The following FRMD5 variants were observed in gnomAD, a reference collection of about 807,000 sequenced individuals.
The protein encoded by FRMD5 is FERM domain containing 5, also known as FERM domain-containing protein 5.
A neutral mutation model predicts 69.0 loss-of-function variants in FRMD5; 20 were observed. That is an observed-to-expected ratio of 0.29 (90% CI 0.20 to 0.42). FRMD5 has a LOEUF of 0.42. Among genes scored for constraint, FRMD5 ranks in the 10% least tolerant of loss-of-function variants. The pLI, the probability that FRMD5 is intolerant of heterozygous loss-of-function variation, is 1.00. For missense variants in FRMD5, 595 were observed against 708.6 expected, an observed-to-expected ratio of 0.84 and a Z score of 1.82; for synonymous variants, 271 against 260.1, an observed-to-expected ratio of 1.04 and a Z score of -0.40.
chr15:44,086,085 T>C (rs1894186509), intron 1 of FRMD5, among the ~76,000 whole-genome samples: 1 of 152,172 alleles, frequency 6.6e-6, no homozygotes, highest in African/African-American at 2.4e-5. Context: ...CAGAGGTGTT[T>C]AATAATGATA....
chr15:44,177,986 A>C (rs539158081), intron 1 of FRMD5, among the ~76,000 whole-genome samples: 1 of 152,350 alleles, frequency 6.6e-6, no homozygotes, highest in South Asian at 2.1e-4. Flanking sequence ...CAGCTAAAAA[A>C]GTTAATTTTA....
intron 1 of FRMD5, among the ~76,000 whole-genome samples, chr15:44,042,001 T>C (rs892516440): frequency 2.0e-5 from 3 of 152,146 alleles, no homozygotes; most frequent in African/African-American, 7.2e-5. Flanking sequence ...GAGCTGGTTT[T>C]CTGAAAAGAT....
At chr15:44,026,709 A>G (rs1156262805) in intron 1 of FRMD5, among the ~76,000 whole-genome samples, 1 of 152,240 alleles carries the variant, frequency 6.6e-6, no homozygotes, top group East Asian at 1.9e-4. Context: ...AGTTCTATAT[A>G]CAAACCAGAA....
chr15:44,037,819 C>T (rs1891989939), intron 1 of FRMD5, among the ~76,000 whole-genome samples: 1 of 152,032 alleles, frequency 6.6e-6, no homozygotes, highest in Admixed American at 6.5e-5. Context: ...GGTTATATAC[C>T]TATTAATGGG....
At chr15:44,053,256 A>G (rs1175343711) in intron 1 of FRMD5, among the ~76,000 whole-genome samples, 1 of 152,196 alleles carries the variant, frequency 6.6e-6, no homozygotes, top group African/African-American at 2.4e-5. Flanking sequence ...CATGGAAGGA[A>G]AGCAACCACA....
At chr15:43,958,875 G>A (rs768392528) in intron 1 of FRMD5, among the ~76,000 whole-genome samples, 1 of 152,178 alleles carries the variant, frequency 6.6e-6, no homozygotes, top group Non-Finnish European at 1.5e-5. Context: ...CACAAAGGTG[G>A]TGACAGACTC....
intron 1 of FRMD5, among the ~76,000 whole-genome samples, chr15:44,047,400 C>T (rs12900880): frequency 0.86 from 130,241 of 152,166 alleles, 57,421 homozygotes; most frequent in Non-Finnish European, 0.95. Context: ...AGGCCAGACA[C>T]GGGTGCCCTC....
intron 1 of FRMD5, among the ~76,000 whole-genome samples, chr15:43,928,150 G>A (rs901977609): frequency 5.9e-5 from 9 of 152,258 alleles, no homozygotes; most frequent in African/African-American, 2.2e-4. Context: ...AGCACCTGGT[G>A]AATCCCCCTG....
chr15:43,919,789 CTT>C lies in FRMD5; in HGVS notation c.226_227del (p.Lys76ValfsTer53). The C allele has an allele frequency of 6.2e-7, 1 of 1,614,072 alleles. No homozygotes were observed. The highest frequency in any genetic ancestry group is 8.5e-7 in the Non-Finnish European group (1 of 1,179,914). ...DKQRHWLEFT[K>X]SVVKQLRSQP... ...TACATCTCAATTGTTTCACCACAGA[CTT>C]TGTAAATTCCAGCCAATGCTGAAAC... On this transcript the variant is annotated frameshift_variant, in exon 3 of 14. Coordinates refer to ENST00000417257, the MANE Select transcript of FRMD5 (RefSeq NM_032892.5). LOFTEE classifies it high-confidence loss of function.
At position 43,892,015 on chromosome 15, in the gene FRMD5, G is replaced by C; in HGVS notation, c.694C>G (p.Leu232Val). The C allele has an allele frequency of 6.2e-7, 1 of 1,614,128 alleles. No individual in the cohort carries two copies. Among genetic ancestry groups the C allele is most frequent in the Non-Finnish European group, 8.5e-7 (1 of 1,179,986 alleles). ...AAGTGGACCCTCTTGTTTCCTTGAA[G>C]AACAACAAACCCAAAAGGAGTGAAG... The part of the protein sequence containing the change: ...LAFTPFGFVV[L>V]QGNKRVHFIK... Residue 232 changes from leucine (L) to valine (V), a missense_variant, in exon 8 of 14, where the codon CTT (leucine) becomes GTT (valine). Leu to Val is a conservative substitution (Grantham distance 32). Around this residue, in one of 5 missense-constraint regions of FRMD5, gnomAD observed 176 missense variants for 266.3 expected, o/e 0.66. Coordinates refer to ENST00000417257, the MANE Select transcript of FRMD5 (RefSeq NM_032892.5).
In FRMD5 at chr15:44,102,427, C is replaced by G. The variant is rs530454020; in HGVS notation, c.102+92526G>C. ...TTTTGGCATGAAGGAGGTCCTCAAT[C>G]TAAGAATGTACTTCTGGTAAACGGA... On this transcript the variant is annotated intron_variant, in intron 1 of 13. Transcript: ENST00000417257. 5.9e-5 allele frequency among the ~76,000 whole-genome samples: 9 copies of G among 152,204 alleles called. 1 individual carries two copies. The East Asian group carries it at 1.5e-3, about 26-fold the overall frequency.
intron 1 of FRMD5, among the ~76,000 whole-genome samples, chr15:43,966,707 A>G (rs2090300637): frequency 6.6e-6 from 1 of 152,196 alleles, no homozygotes; most frequent in Non-Finnish European, 1.5e-5. Flanking sequence ...CTCAGAGCCA[A>G]AGGTTTAGAA....
chr15:44,182,293 G>C (rs1315875072), intron 1 of FRMD5, among the ~76,000 whole-genome samples: 1 of 140,806 alleles, frequency 7.1e-6, no homozygotes, highest in African/African-American at 2.7e-5. Context: ...TTACAGGCGT[G>C]AGCCACCACA....
At chr15:44,006,502 T>C (rs1243046724) in intron 1 of FRMD5, among the ~76,000 whole-genome samples, 1 of 152,240 alleles carries the variant, frequency 6.6e-6, no homozygotes, top group African/African-American at 2.4e-5. Flanking sequence ...CATAAGACTA[T>C]AGCTGCATGA....
intron 1 of FRMD5, among the ~76,000 whole-genome samples, chr15:44,040,491 A>G (rs1418416640): frequency 6.6e-6 from 1 of 152,212 alleles, no homozygotes. Flanking sequence ...ACAAGTCAGA[A>G]GACAGTGGGG....
At chr15:44,021,303 TA>T (rs2140251792) in intron 1 of FRMD5, among the ~76,000 whole-genome samples, 1 of 152,258 alleles carries the variant, frequency 6.6e-6, no homozygotes, top group East Asian at 1.9e-4. Context: ...TGTAAGTTTT[TA>T]GTTCATATAG....
intron 1 of FRMD5, among the ~76,000 whole-genome samples, chr15:44,103,391 G>A (rs2076668906): frequency 6.6e-6 from 1 of 152,176 alleles, no homozygotes. Flanking sequence ...TTATGGAATA[G>A]TTTTGATTAG....
At chr15:43,953,793 G>C (rs1478270050) in intron 1 of FRMD5, among the ~76,000 whole-genome samples, 2 of 152,204 alleles carry the variant, frequency 1.3e-5, no homozygotes, top group Non-Finnish European at 2.9e-5. Flanking sequence ...TAATAGTTAA[G>C]ACTCTAGTAA....
At chr15:44,018,417 G>A (rs1436316605) in intron 1 of FRMD5, among the ~76,000 whole-genome samples, 1 of 152,160 alleles carries the variant, frequency 6.6e-6, no homozygotes, top group Non-Finnish European at 1.5e-5. Context: ...ATAAAGTGAT[G>A]AGAAAAATTT....
Sources: gnomAD v4.1 joint callset for allele counts (sites outside exome capture counted in the v4.1 genomes callset) on GRCh38, gnomAD v4.1.1 for gene constraint, gnomAD v4.1.1 regional missense constraint, MANE v1.5 for transcripts, NCBI Gene and HGNC (gene_info 2026-07-23, HGNC 2026-07-21) for gene names.